Variants in ZNF277 observed in about 807,000 individuals in gnomAD.
The protein encoded by ZNF277 is nuclear receptor-interacting factor 4.
ZNF277 carries 55 observed loss-of-function variants against 60.7 expected under a neutral mutation model. The observed-to-expected ratio is 0.91, with a 90% CI of 0.73 to 1.13. ZNF277 has a LOEUF of 1.13. Among genes scored for constraint, ZNF277 ranks in the 50% most tolerant of loss-of-function variants. The pLI, the probability that ZNF277 is intolerant of heterozygous loss-of-function variation, is 0.00. For missense variants in ZNF277, 510 were observed against 523.0 expected (o/e 0.98, Z 0.24); for synonymous variants, 178 against 179.3 (o/e 0.99, Z 0.06).
chr7:112,330,979 T>A (rs991619692), intron 7 of ZNF277, among the ~76,000 whole-genome samples: 1 of 152,224 alleles, frequency 6.6e-6, no homozygotes. Context: ...ATCTCTTTGC[T>A]CTTTCCCCTT....
rs114323547 is a variant in ZNF277, at chr7:112,326,769, A to G, written c.558-948A>G. Among the ~76,000 whole-genome samples, 1,425 of 152,220 alleles carry G rather than the reference A, an allele frequency of 9.4e-3. 17 individuals carry two copies. Among genetic ancestry groups the G allele is most frequent in the African/African-American group, 0.032 (1,335 of 41,512 alleles). On this transcript the variant is annotated intron_variant, in intron 5 of 11. Coordinates refer to ENST00000361822, the MANE Select transcript of ZNF277 (RefSeq NM_021994.3). Reference sequence around the variant, plus strand: ...GGGGGACCAGGTAAGTGTCTAAATAATCTAGATAAAACCATATGATATGTC... The same window carrying G: ...GGGGGACCAGGTAAGTGTCTAAATAGTCTAGATAAAACCATATGATATGTC...
chr7:112,327,501 A>G (rs939531298), intron 5 of ZNF277, among the ~76,000 whole-genome samples: 2 of 152,240 alleles, frequency 1.3e-5, no homozygotes, highest in African/African-American at 4.8e-5. Context: ...AGCAGCAGAT[A>G]GTAGAACAAA....
At chr7:112,267,718 A>G (rs1344870548) in intron 1 of ZNF277, among the ~76,000 whole-genome samples, 2 of 152,144 alleles carry the variant, frequency 1.3e-5, no homozygotes, top group African/African-American at 4.8e-5. Flanking sequence ...CTAGGAAAAT[A>G]GTAGAAGGTT....
intron 7 of ZNF277, among the ~76,000 whole-genome samples, chr7:112,333,293 A>C (rs910970638): frequency 1.3e-5 from 2 of 152,192 alleles, no homozygotes; most frequent in Non-Finnish European, 2.9e-5. Flanking sequence ...TACATTCTGC[A>C]TACATTTGAG....
chr7:112,291,584 C>G (rs1195140228), intron 2 of ZNF277, among the ~76,000 whole-genome samples: 2 of 151,984 alleles, frequency 1.3e-5, no homozygotes, highest in Admixed American at 6.6e-5. Flanking sequence ...AAGAGAAGTA[C>G]TAAATGAGCT....
intron 7 of ZNF277, chr7:112,330,548 C>CTTCTTTT (rs1793204568): frequency 3.7e-5 from 4 of 108,048 alleles, no homozygotes; most frequent in Admixed American, 1.2e-4. Context: ...AGACTCCTTT[C>CTTCTTTT]TTTTTTTTTT....
chr7:112,298,620 T>C (rs1563220314), intron 4 of ZNF277, among the ~76,000 whole-genome samples: 1 of 152,178 alleles, frequency 6.6e-6, no homozygotes, highest in Non-Finnish European at 1.5e-5. Context: ...TGTAGCTGCG[T>C]ATAAATCCAT....
At chr7:112,215,578 G>A (rs1483329005) in intron 1 of ZNF277, among the ~76,000 whole-genome samples, 1 of 152,236 alleles carries the variant, frequency 6.6e-6, no homozygotes, top group African/African-American at 2.4e-5. Context: ...AGCACTGTGG[G>A]ATGAAGTGGA....
intron 1 of ZNF277, among the ~76,000 whole-genome samples, chr7:112,243,392 C>A (rs1791004866): frequency 6.6e-6 from 1 of 150,990 alleles, no homozygotes; most frequent in South Asian, 2.1e-4. Flanking sequence ...AATGAACAGA[C>A]AACCTATGGA....
intron 1 of ZNF277, among the ~76,000 whole-genome samples, chr7:112,209,267 T>C (rs368404198): frequency 1.3e-5 from 2 of 152,316 alleles, no homozygotes; most frequent in East Asian, 3.9e-4. Context: ...TGGGAGAAAA[T>C]TGCTGGATCA....
chr7:112,247,194 T>A (rs1369080207), intron 1 of ZNF277, among the ~76,000 whole-genome samples: 4 of 152,186 alleles, frequency 2.6e-5, no homozygotes, highest in Non-Finnish European at 5.9e-5. Flanking sequence ...TAATTGCCGC[T>A]AAGTGGAGGG....
chr7:112,322,456 A>G lies in ZNF277; in HGVS notation c.557+4183A>G, dbSNP rs775980411. 1.1e-4 allele frequency among the ~76,000 whole-genome samples: 16 copies of G among 151,608 alleles called. 1 individual carries two copies. Among genetic ancestry groups the G allele is most frequent in the Non-Finnish European group, 2.1e-4 (14 of 67,916 alleles). ...TAAGTCTTTTGAGCCCCTCTAGTCA[A>G]TTTCTTATTTCAGTTATTGTACTTT... On this transcript the variant is annotated intron_variant, in intron 5 of 11. Transcript: ENST00000361822.
chr7:112,316,575 A>G (rs1318031728), intron 4 of ZNF277, among the ~76,000 whole-genome samples: 1 of 151,902 alleles, frequency 6.6e-6, no homozygotes, highest in Non-Finnish European at 1.5e-5. Context: ...ATTAGATCCC[A>G]TTTGTCAATT....
intron 11 of ZNF277, among the ~76,000 whole-genome samples, chr7:112,341,725 G>C (rs989868873): frequency 6.6e-6 from 1 of 152,124 alleles, no homozygotes; most frequent in Non-Finnish European, 1.5e-5. Flanking sequence ...TTCTCACATC[G>C]TTCTGGATAA....
chr7:112,332,640 A>G (rs1793250076), intron 7 of ZNF277, among the ~76,000 whole-genome samples: 1 of 152,192 alleles, frequency 6.6e-6, no homozygotes, highest in South Asian at 2.1e-4. Context: ...TCATCTTCCT[A>G]GCCCGTTTCC....
Position 112,310,476 on chromosome 7 carries a change from A to AGT in ZNF277, c.466-7705_466-7704insTG, listed in dbSNP as rs1392177006. ...GTTTGAGAGAGAGAGAGAGAGAGAG[A>AGT]GAGTGTGTGTGTGTGTATGTATTTT... is the stretch of plus-strand genomic sequence containing the variant. On this transcript the variant is annotated intron_variant, in intron 4 of 11. Transcript: ENST00000361822. 4.0e-3 allele frequency among the ~76,000 whole-genome samples: 546 copies of AGT among 136,682 alleles called. 15 individuals are homozygous for AGT. The highest frequency in any genetic ancestry group is 0.013 in the African/African-American group (437 of 33,324). The allele number at this position is 136,682 out of a possible 152,430, so 89.7% of individuals were successfully genotyped here. A position where few individuals can be genotyped will look rare whatever the true frequency, so the allele number is the denominator to read the frequency against.
intron 1 of ZNF277, among the ~76,000 whole-genome samples, chr7:112,251,326 A>G (rs143683218): frequency 5.9e-4 from 90 of 152,314 alleles, no homozygotes; most frequent in Admixed American, 1.3e-3. Context: ...GACTCCCTGT[A>G]CCCTCTTTAA....
At chr7:112,241,626 G>C (rs1790956998) in intron 1 of ZNF277, among the ~76,000 whole-genome samples, 1 of 152,128 alleles carries the variant, frequency 6.6e-6, no homozygotes, top group African/African-American at 2.4e-5. Flanking sequence ...CAGATGAATA[G>C]CTAGAGAAAG....
At chr7:112,237,883 A>G (rs1014650320) in intron 1 of ZNF277, among the ~76,000 whole-genome samples, 3 of 152,196 alleles carry the variant, frequency 2.0e-5, no homozygotes, top group African/African-American at 7.2e-5. Context: ...AAAGAAAACT[A>G]TAGACCAATA....
Sources: allele counts gnomAD v4.1 joint callset (sites outside exome capture counted in the v4.1 genomes callset), GRCh38; gene constraint gnomAD v4.1.1; transcripts MANE v1.5; gene names NCBI Gene and HGNC (gene_info 2026-07-23, HGNC 2026-07-21).